Variants in ANXA11 observed in about 807,000 individuals in gnomAD.
ANXA11 encodes the protein 56 kDa autoantigen.
ANXA11 carries 57 observed loss-of-function variants against 64.7 expected under a neutral mutation model. That is an observed-to-expected ratio of 0.88 (90% CI 0.71 to 1.10). The LOEUF (loss-of-function observed/expected upper bound fraction) is 1.10, where lower values mean the gene tolerates loss of function less well. Among genes scored for constraint, ANXA11 ranks in the 50% least tolerant of loss-of-function variants. The pLI is 0.00. For missense variants in ANXA11, 675 were observed against 670.7 expected (o/e 1.01, Z -0.07); for synonymous variants, 260 against 265.2 (o/e 0.98, Z 0.19).
chr10:80,159,864 T>C (rs369749665), intron 12 of ANXA11, among the ~76,000 whole-genome samples: 7 of 152,336 alleles, frequency 4.6e-5, no homozygotes, highest in African/African-American at 1.4e-4. Context: ...ACCTCCAGTC[T>C]CTGCCATTCC....
chr10:80,158,272 C>G (rs1224165499), intron 13 of ANXA11, among the ~76,000 whole-genome samples: 1 of 152,156 alleles, frequency 6.6e-6, no homozygotes, highest in Non-Finnish European at 1.5e-5. Flanking sequence ...GGTGAAAGGA[C>G]CAAGAGTCAG....
chr10:80,158,263 G>GCCTT, intron 13 of ANXA11, among the ~76,000 whole-genome samples: 2 of 152,312 alleles, frequency 1.3e-5, no homozygotes, highest in South Asian at 4.1e-4. Context: ...AACCACTGCG[G>GCCTT]TGAAAGGACC....
At chr10:80,201,146 C>T (rs1216418118) in intron 1 of ANXA11, among the ~76,000 whole-genome samples, 1 of 152,142 alleles carries the variant, frequency 6.6e-6, no homozygotes, top group Non-Finnish European at 1.5e-5. Flanking sequence ...ACTCCAACCT[C>T]GCTTCTGCTC....
chr10:80,177,041 G>A (rs1304132814), intron 1 of ANXA11, among the ~76,000 whole-genome samples: 6 of 149,300 alleles, frequency 4.0e-5, no homozygotes, highest in African/African-American at 1.5e-4. Context: ...GTGCAGTGGC[G>A]CAATCTCAGC....
At chr10:80,170,691 C>T in intron 4 of ANXA11, 109 bp downstream of exon 4, 1 of 829,674 alleles carries the variant, frequency 1.2e-6, no homozygotes, top group Non-Finnish European at 1.8e-6. Flanking sequence ...CTACACACCA[C>T]AGCAACACAC....
rs139752138 is a variant in ANXA11, at chr10:80,156,629, G to A, written c.1459-717C>T. The A allele has an allele frequency of 2.0e-3, 701 of 347,952 alleles. 5 individuals carry two copies. The highest frequency in any genetic ancestry group is 0.014 in the African/African-American group (626 of 45,830). 21.6% of individuals were successfully genotyped at this position (347,952 alleles called of 1,614,324 possible). On this transcript the variant is annotated intron_variant, in intron 15 of 15. Transcript: ENST00000422982. Reference sequence around the variant, plus strand: ...CCCGGGTTCAAGCAATTCTCCTGCCGCAGCCTACCTAATTAGCTGGGATTA... The same window carrying A: ...CCCGGGTTCAAGCAATTCTCCTGCCACAGCCTACCTAATTAGCTGGGATTA...
chr10:80,183,219 A>C (rs1228563170), intron 1 of ANXA11, among the ~76,000 whole-genome samples: 1 of 152,150 alleles, frequency 6.6e-6, no homozygotes, highest in African/African-American at 2.4e-5. Flanking sequence ...GGAGCCCAGA[A>C]CTCAAGATGG....
intron 13 of ANXA11, 30 bp downstream of exon 13, chr10:80,159,070 G>A (rs1444104527): frequency 6.4e-7 from 1 of 1,556,368 alleles, no homozygotes; most frequent in Non-Finnish European, 8.9e-7. Flanking sequence ...TTAGCCCCTG[G>A]CAGGTGGGCG....
intron 11 of ANXA11, among the ~76,000 whole-genome samples, chr10:80,162,744 G>C (rs2132382764): frequency 6.6e-6 from 1 of 152,344 alleles, no homozygotes; most frequent in East Asian, 1.9e-4. Context: ...TGGATGACAA[G>C]AGCAGTGAAG....
chr10:80,166,036 AC>A, intron 8 of ANXA11, 47 bp downstream of exon 8: 1 of 973,182 alleles, frequency 1.0e-6, no homozygotes, highest in Non-Finnish European at 1.5e-6. Flanking sequence ...GTGCGCACAC[AC>A]GCGCGCACAC....
At chr10:80,168,683 A>G (rs1450146978) in intron 5 of ANXA11, among the ~76,000 whole-genome samples, 1 of 151,798 alleles carries the variant, frequency 6.6e-6, no homozygotes. Flanking sequence ...ACAGGTATGC[A>G]CCACCATGCC....
intron 1 of ANXA11, among the ~76,000 whole-genome samples, chr10:80,187,430 G>C (rs1399144886): frequency 2.0e-5 from 3 of 152,190 alleles, no homozygotes; most frequent in African/African-American, 4.8e-5. Context: ...CCAGCCTCCA[G>C]AACTGTGAGC....
chr10:80,164,327 C>A (rs1845641926), intron 8 of ANXA11, among the ~76,000 whole-genome samples, 184 bp from the exon 9 acceptor site: 1 of 152,158 alleles, frequency 6.6e-6, no homozygotes, highest in Non-Finnish European at 1.5e-5. Context: ...CCCGGGCAAG[C>A]ACAATGACAG....
chr10:80,157,903 C>A lies in ANXA11; in HGVS notation c.1335+64G>T, dbSNP rs1218590780. On this transcript the variant is annotated intron_variant, in intron 14 of 15. Transcript: ENST00000422982. ...CTCTCCCCAGGCCTTCTGCCCTCAGCCCTTGGTCCCAGGCACAGGCGAGGC... is the reference window on the plus strand; with the variant it reads ...CTCTCCCCAGGCCTTCTGCCCTCAGACCTTGGTCCCAGGCACAGGCGAGGC... 5 of 1,601,418 alleles carry A rather than the reference C, an allele frequency of 3.1e-6. No homozygotes were observed. The East Asian group carries it at 1.1e-4, about 36-fold the overall frequency.
intron 5 of ANXA11, among the ~76,000 whole-genome samples, chr10:80,167,982 A>G (rs1369177554): frequency 1.3e-5 from 2 of 152,100 alleles, no homozygotes; most frequent in Non-Finnish European, 1.5e-5. Context: ...GGGAAAAGAT[A>G]AGGGAGGGAG....
chr10:80,157,584 T>C, intron 15 of ANXA11, 57 bp downstream of exon 15: 1 of 1,586,124 alleles, frequency 6.3e-7, no homozygotes, highest in South Asian at 1.2e-5. Flanking sequence ...GGAGGGAGGT[T>C]CCACAGGTGA....
intron 4 of ANXA11, among the ~76,000 whole-genome samples, chr10:80,169,924 G>A (rs1845907195): frequency 6.6e-6 from 1 of 151,954 alleles, no homozygotes; most frequent in Non-Finnish European, 1.5e-5. Context: ...ACACCCCTTG[G>A]CACCTCAGGG....
chr10:80,150,904 C>T lies in ANXA11; in HGVS notation c.*4949G>A, dbSNP rs1014453932. The T allele has an allele frequency of 4.6e-5, 7 of 152,196 alleles. No individual in the cohort carries two copies. The highest frequency in any genetic ancestry group is 1.7e-4 in the African/African-American group (7 of 41,456). The allele number at this position is 152,196 out of a possible 1,614,324, so 9.4% of individuals were successfully genotyped here. A position where few individuals can be genotyped will look rare whatever the true frequency, so the allele number is the denominator to read the frequency against. On this transcript the variant is annotated 3_prime_UTR_variant, in exon 16 of 16. Coordinates refer to ENST00000422982, the MANE Select transcript of ANXA11 (RefSeq NM_145868.2). ...AACAAAGCTCTCTTACTAAATCCAGCTTTTATTCTTAGGTATTCACCTGAT... is the reference window on the plus strand; with the variant it reads ...AACAAAGCTCTCTTACTAAATCCAGTTTTTATTCTTAGGTATTCACCTGAT...
At chr10:80,198,938 A>T (rs1226351521) in intron 1 of ANXA11, among the ~76,000 whole-genome samples, 1 of 152,210 alleles carries the variant, frequency 6.6e-6, no homozygotes, top group Non-Finnish European at 1.5e-5. Flanking sequence ...TATATCTGGT[A>T]TGTCAACAGT....
Sources: gnomAD v4.1 joint callset for allele counts (sites outside exome capture counted in the v4.1 genomes callset) on GRCh38, gnomAD v4.1.1 for gene constraint, MANE v1.5 for transcripts, NCBI Gene and HGNC (gene_info 2026-07-23, HGNC 2026-07-21) for gene names.